The following SPATS2 variants were observed in gnomAD, a reference collection of about 807,000 sequenced individuals.
SPATS2 encodes the protein spermatogenesis associated serine rich 2, also known as spermatogenesis-associated serine-rich protein 2.
SPATS2 carries 38 observed loss-of-function variants against 63.7 expected under a neutral mutation model. That is an observed-to-expected ratio of 0.60 (90% CI 0.46 to 0.78). The LOEUF is 0.78. Ranked by LOEUF, SPATS2 falls within the 30% of genes least tolerant of loss-of-function variation. The pLI is 0.00. For synonymous variants in SPATS2, 207 were observed against 232.9 expected (o/e 0.89, Z 1.01); for missense variants, 588 against 666.2 (o/e 0.88, Z 1.29).
intron 2 of SPATS2, among the ~76,000 whole-genome samples, chr12:49,378,432 G>T (rs1265488311): frequency 6.6e-6 from 1 of 151,872 alleles, no homozygotes; most frequent in Non-Finnish European, 1.5e-5. Flanking sequence ...TGAGTAGCTG[G>T]GACTACAGGC....
intron 2 of SPATS2, among the ~76,000 whole-genome samples, chr12:49,454,821 A>C (rs149102645): frequency 1.3e-5 from 2 of 151,256 alleles, no homozygotes; most frequent in Non-Finnish European, 2.9e-5. Context: ...TGGAAGTTGC[A>C]GTGAGCCAGG....
chr12:49,441,788 AG>A (rs1945422732), intron 2 of SPATS2: 1 of 152,228 alleles, frequency 6.6e-6, no homozygotes, highest in Admixed American at 6.5e-5. Flanking sequence ...ATCAAGTTCC[AG>A]TATCTTCAGA....
chr12:49,461,241 T>G, intron 3 of SPATS2: 1 of 584,468 alleles, frequency 1.7e-6, no homozygotes, highest in South Asian at 2.3e-5. Context: ...ACTTAGCAAA[T>G]TGTAATATGC....
chr12:49,421,150 T>G (rs1459613764), intron 2 of SPATS2, among the ~76,000 whole-genome samples: 1 of 152,154 alleles, frequency 6.6e-6, no homozygotes, highest in Admixed American at 6.5e-5. Context: ...CCGGGTGCGG[T>G]GGCTAACGCC....
chr12:49,479,082 G>C (rs933050689), intron 3 of SPATS2, among the ~76,000 whole-genome samples: 2 of 152,218 alleles, frequency 1.3e-5, no homozygotes, highest in Admixed American at 6.5e-5. Context: ...CCTCTCTGCA[G>C]CAGGTTGTCC....
intron 2 of SPATS2, among the ~76,000 whole-genome samples, chr12:49,447,837 A>G (rs1052632180): frequency 6.6e-6 from 1 of 151,926 alleles, no homozygotes; most frequent in African/African-American, 2.4e-5. Context: ...TTTATTCCTG[A>G]TTTTGGTAAA....
rs12296820 is a variant in SPATS2 at position 49,422,747 on chromosome 12, A to T, written c.-243-38023A>T. 3.1e-3 allele frequency among the ~76,000 whole-genome samples: 475 copies of T among 152,098 alleles called. 4 individuals carry two copies. Among genetic ancestry groups the T allele is most frequent in the African/African-American group, 0.011 (441 of 41,484 alleles). On this transcript the variant is annotated intron_variant, in intron 2 of 13. Coordinates refer to ENST00000552918, the MANE Select transcript of SPATS2 (RefSeq NM_023071.4). ...GGCAACATTGTGAAACCCCATCTCT[A>T]CAAAAGATACAAAAACTAGCTGCAT...
At chr12:49,407,059 A>G (rs1944710125) in intron 2 of SPATS2, among the ~76,000 whole-genome samples, 1 of 152,106 alleles carries the variant, frequency 6.6e-6, no homozygotes, top group African/African-American at 2.4e-5. Flanking sequence ...CTATCCTTCC[A>G]TTTACTTGGG....
Position 49,486,057 on chromosome 12 carries a change from CCT to C in SPATS2, c.105+1393_105+1394del, listed in dbSNP as rs570225354. ...TATAGGCGTGAGCCACTGCACCTGGCCTCTCTGTCTTATTTAAAAAAAAATTG... is the reference window on the plus strand; with the variant it reads ...TATAGGCGTGAGCCACTGCACCTGGCCTCTGTCTTATTTAAAAAAAAATTG... On this transcript the variant is annotated intron_variant, in intron 4 of 13. Coordinates refer to ENST00000552918, the MANE Select transcript of SPATS2 (RefSeq NM_023071.4). 1.2e-3 allele frequency among the ~76,000 whole-genome samples: 179 copies of C among 152,048 alleles called. 1 individual carries two copies. The highest frequency in any genetic ancestry group is 4.1e-3 in the African/African-American group (171 of 41,434).
At chr12:49,457,497 G>A (rs914668319) in intron 2 of SPATS2, among the ~76,000 whole-genome samples, 74 of 151,672 alleles carry the variant, frequency 4.9e-4, no homozygotes, top group Admixed American at 2.6e-4. Context: ...GCAGTGGCGT[G>A]ATCTCAGCTC....
intron 9 of SPATS2, among the ~76,000 whole-genome samples, chr12:49,511,758 C>T (rs1946757375): frequency 6.6e-6 from 1 of 152,172 alleles, no homozygotes; most frequent in Admixed American, 6.5e-5. Flanking sequence ...AGTTGTGTTA[C>T]AATAGATTAT....
chr12:49,463,393 A>G (rs1417650774), intron 3 of SPATS2: 1 of 150,224 alleles, frequency 6.7e-6, no homozygotes, highest in Non-Finnish European at 1.5e-5. Flanking sequence ...AGCCTGGGCA[A>G]CAGAGAGAGA....
intron 2 of SPATS2, among the ~76,000 whole-genome samples, chr12:49,388,266 G>A (rs1382076113): frequency 1.3e-5 from 2 of 152,030 alleles, no homozygotes; most frequent in Admixed American, 1.3e-4. Context: ...AAATCTGATT[G>A]TCTTGATAAA....
At chr12:49,476,201 A>G (rs990489657) in intron 3 of SPATS2, among the ~76,000 whole-genome samples, 5 of 152,136 alleles carry the variant, frequency 3.3e-5, no homozygotes, top group African/African-American at 7.2e-5. Context: ...CAGGGGAGGA[A>G]CACACAGGCG....
At chr12:49,421,049 C>A (rs981916978) in intron 2 of SPATS2, among the ~76,000 whole-genome samples, 8 of 152,056 alleles carry the variant, frequency 5.3e-5, no homozygotes, top group African/African-American at 1.7e-4. Context: ...CAGACCAATC[C>A]AAAACTGGCT....
intron 2 of SPATS2, among the ~76,000 whole-genome samples, chr12:49,377,010 C>G (rs1944118859): frequency 6.6e-6 from 1 of 152,176 alleles, no homozygotes; most frequent in African/African-American, 2.4e-5. Context: ...GCCACCTCAC[C>G]CAGCCCAGTG....
intron 2 of SPATS2, among the ~76,000 whole-genome samples, chr12:49,395,977 T>C (rs1051524597): frequency 1.3e-5 from 2 of 152,242 alleles, no homozygotes; most frequent in Non-Finnish European, 2.9e-5. Flanking sequence ...GAGTATTTTA[T>C]ATACCTCATA....
chr12:49,436,214 G>A (rs1268065130), intron 2 of SPATS2, among the ~76,000 whole-genome samples: 4 of 151,028 alleles, frequency 2.6e-5, no homozygotes, highest in South Asian at 2.1e-4. Context: ...TCCCAGTAGG[G>A]GCGGCCGGGC....
intron 3 of SPATS2, among the ~76,000 whole-genome samples, chr12:49,480,404 G>T (rs1029138247): frequency 6.6e-6 from 1 of 152,108 alleles, no homozygotes; most frequent in Non-Finnish European, 1.5e-5. Context: ...TATTGTGGAG[G>T]TCTAGCATAT....
Sources: gnomAD v4.1 joint callset for allele counts (sites outside exome capture counted in the v4.1 genomes callset) on GRCh38, gnomAD v4.1.1 for gene constraint, MANE v1.5 for transcripts, NCBI Gene and HGNC (gene_info 2026-07-23, HGNC 2026-07-21) for gene names.